SPTA1: variants seen among roughly 807,000 people sequenced by gnomAD.
SPTA1 encodes spectrin alpha, erythrocytic 1, also known as spectrin alpha chain, erythrocytic 1.
Under a neutral mutation model 324.7 loss-of-function variants are expected in SPTA1, and 177 were observed. The ratio of observed to expected loss-of-function variants is 0.55; its 90% CI spans 0.48 to 0.62. The LOEUF is 0.62. Ranked by LOEUF, SPTA1 falls within the 20% of genes least tolerant of loss-of-function variation. The probability of loss-of-function intolerance (pLI) is 0.00; values close to 1 mark genes in which losing one functional copy is unlikely to be tolerated. For synonymous variants in SPTA1, 1,195 were observed against 1,041.3 expected, an observed-to-expected ratio of 1.15 and a Z score of -2.84; for missense variants, 3,162 against 2,883.6, an observed-to-expected ratio of 1.10 and a Z score of -2.21.
chr1:158,668,094 A>AT, intron 14 of SPTA1, 32 bp from the exon 15 acceptor site: 1 of 1,566,814 alleles, frequency 6.4e-7, no homozygotes, highest in Non-Finnish European at 8.7e-7. Context: ...AAAAAAAACC[A>AT]TTACCTGAAG....
intron 17 of SPTA1, among the ~76,000 whole-genome samples, chr1:158,661,824 T>C (rs75176360): frequency 6.6e-6 from 1 of 152,230 alleles, no homozygotes; most frequent in Non-Finnish European, 1.5e-5. Context: ...TTTCTCATCA[T>C]GAAAAAGGCA....
Position 158,626,142 on chromosome 1 carries a change from T to C in SPTA1, c.5910+4A>G. 1 of 1,613,390 alleles carries C rather than the reference T, an allele frequency of 6.2e-7. No individual in the cohort carries two copies. Among genetic ancestry groups the C allele is most frequent in the Non-Finnish European group, 8.5e-7 (1 of 1,179,346 alleles). ...TGGGCTTACCTAACATCTATCAATC[T>C]CACCTGTTTTGCCAGAAGAGTGAGG... On this transcript the variant is annotated splice_donor_region_variant and intron_variant, in intron 42 of 51. Coordinates refer to ENST00000643759, the MANE Select transcript of SPTA1 (RefSeq NM_003126.4).
At chr1:158,636,123 ACC>A in intron 37 of SPTA1, 89 bp from the exon 38 acceptor site, 1 of 1,607,308 alleles carries the variant, frequency 6.2e-7, no homozygotes, top group Non-Finnish European at 8.5e-7. Flanking sequence ...AGCCCATCCT[ACC>A]CTCCAGATTA....
chr1:158,629,981 G>C (rs867514960), intron 39 of SPTA1, among the ~76,000 whole-genome samples: 1 of 151,736 alleles, frequency 6.6e-6, no homozygotes, highest in African/African-American at 2.4e-5. Context: ...ACAAAACATT[G>C]ATAAAAGAAA....
chr1:158,636,793 A>G, intron 36 of SPTA1, 32 bp from the exon 37 acceptor site: 1 of 1,613,276 alleles, frequency 6.2e-7, no homozygotes, highest in Non-Finnish European at 8.5e-7. Context: ...GAAAGTTTGG[A>G]GTCTAGACAT....
At chr1:158,621,329 A>T (rs1649899909) in intron 43 of SPTA1, among the ~76,000 whole-genome samples, 1 of 152,206 alleles carries the variant, frequency 6.6e-6, no homozygotes, top group Admixed American at 6.5e-5. Flanking sequence ...CAAATACAAG[A>T]ATTAAAAAGA....
In SPTA1 at chr1:158,677,706, G is replaced by A; in HGVS notation, c.941C>T (p.Ala314Val). ...GCGCATTACCTTGTCACTCATGACA[G>A]CAAGATTTCTCTCAAGTCCCTTGTG... Reference protein sequence around the residue: ...HSHKGLERNLAVMSDKVKELC... With the variant: ...HSHKGLERNLVVMSDKVKELC... The change falls in exon 7 of 52, where the codon GCT becomes GTT. Residue 314 changes from alanine (A) to valine (V), a missense_variant. Physicochemically the swap from Ala to Val is moderately conservative, Grantham distance 64. Transcript: ENST00000643759. 1.2e-6 allele frequency: 2 copies of A among 1,613,430 alleles called. No individual in the cohort carries two copies. Among genetic ancestry groups the A allele is most frequent in the Non-Finnish European group, 1.7e-6 (2 of 1,179,666 alleles).
At chr1:158,664,771 T>C (rs1653478034) in intron 16 of SPTA1, among the ~76,000 whole-genome samples, 1 of 152,184 alleles carries the variant, frequency 6.6e-6, no homozygotes, top group South Asian at 2.1e-4. Context: ...CAGAACATAA[T>C]GGAAGGATTT....
intron 21 of SPTA1, 97 bp from the exon 22 acceptor site, chr1:158,653,522 T>C: frequency 6.5e-7 from 1 of 1,538,990 alleles, no homozygotes; most frequent in Non-Finnish European, 8.9e-7. Flanking sequence ...AGGCACAGGT[T>C]AATGGCAAAG....
chr1:158,641,449 C>A (rs1180628032), intron 33 of SPTA1, among the ~76,000 whole-genome samples: 3 of 151,906 alleles, frequency 2.0e-5, no homozygotes, highest in Admixed American at 6.6e-5. Flanking sequence ...CAATGAACTC[C>A]AACACATTTA....
chr1:158,614,018 T>C, intron 49 of SPTA1, 151 bp from the exon 50 acceptor site: 2 of 958,166 alleles, frequency 2.1e-6, no homozygotes, highest in South Asian at 1.6e-5. Flanking sequence ...GTCTGTGTCA[T>C]GTACATTTTT....
intron 2 of SPTA1, 40 bp from the exon 3 acceptor site, chr1:158,683,536 AG>A (rs768255495): frequency 6.2e-7 from 1 of 1,610,948 alleles, no homozygotes; most frequent in East Asian, 2.2e-5. Context: ...AATGAAGCAC[AG>A]TCTTCATGGG....
At position 158,617,688 on chromosome 1, in the gene SPTA1, G is replaced by T. The variant is rs952153488; in HGVS notation, c.6549-100C>A. The T allele has an allele frequency of 3.1e-5, 38 of 1,216,316 alleles. No individual in the cohort carries two copies. The South Asian group carries it at 4.7e-4, about 15-fold the overall frequency. 75.3% of individuals were successfully genotyped at this position (1,216,316 alleles called of 1,614,324 possible). ...GCTCCTCTGTTTCAACTTCTCCAAG[G>T]TTATGTGGCTTACATGAAGCAAAAT... is the stretch of plus-strand genomic sequence containing the variant. On this transcript the variant is annotated intron_variant, in intron 46 of 51. Coordinates refer to ENST00000643759, the MANE Select transcript of SPTA1 (RefSeq NM_003126.4).
chr1:158,656,729 G>A lies in SPTA1; in HGVS notation c.2806-73C>T, dbSNP rs1571467695. The A allele has an allele frequency of 4.3e-6, 6 of 1,400,126 alleles. No individual in the cohort carries two copies. In the East Asian group the frequency reaches 1.1e-4, roughly 27 times the overall value. 86.7% of individuals were successfully genotyped at this position (1,400,126 alleles called of 1,614,324 possible). A position where few individuals can be genotyped will look rare whatever the true frequency, so the allele number is the denominator to read the frequency against. On this transcript the variant is annotated intron_variant, in intron 19 of 51. Transcript: ENST00000643759. ...TATTATTTCAACTACTATTATTTTG[G>A]GTTATGCTATTTGTCTTAAATCCTG... is the stretch of plus-strand genomic sequence containing the variant.
Position 158,620,370 on chromosome 1 carries a change from C to T in SPTA1, c.6217G>A (p.Val2073Ile). ...EENLSEPVHC[V>I]SLNEIRQLQK... ...AGCTGCCGAATTTCATTCAGGGAGA[C>T]ACAGTGCACAGGCTCTGACAAGTTT... Residue 2073 changes from valine (V) to isoleucine (I), a missense_variant, in exon 44 of 52, where the codon GTC becomes ATC. By Grantham distance (29) the Val-to-Ile change is conservative. Transcript: ENST00000643759. The T allele has an allele frequency of 1.4e-5, 23 of 1,614,076 alleles. No homozygotes were observed. The highest frequency in any genetic ancestry group is 1.9e-5 in the Non-Finnish European group (23 of 1,180,050).
chr1:158,650,037 GT>G, intron 24 of SPTA1, 90 bp from the exon 25 acceptor site: 1 of 890,034 alleles, frequency 1.1e-6, no homozygotes, highest in Non-Finnish European at 1.8e-6. Flanking sequence ...TTAAAACATA[GT>G]TGTTTTTACG....
intron 3 of SPTA1, 103 bp downstream of exon 3, chr1:158,683,268 T>C (rs2101951179): frequency 6.5e-7 from 1 of 1,549,202 alleles, no homozygotes. Flanking sequence ...GCAGGAGTCC[T>C]GGGTATAAGC....
At position 158,642,800 on chromosome 1, in the gene SPTA1, T is replaced by C. The variant is rs1651706221; in HGVS notation, c.4605+14A>G. ...GAATGGTGAAATTTTCCAAGATTCC[T>C]ATTTTGAACTTGCCTGAATGTTAGT... On this transcript the variant is annotated intron_variant, in intron 32 of 51. Coordinates refer to ENST00000643759, the MANE Select transcript of SPTA1 (RefSeq NM_003126.4). The C allele has an allele frequency of 6.2e-7, 1 of 1,613,668 alleles. No homozygotes were observed. The highest frequency in any genetic ancestry group is 8.5e-7 in the Non-Finnish European group (1 of 1,179,824).
At chr1:158,650,026 T>A (rs917754880) in intron 24 of SPTA1, 79 bp from the exon 25 acceptor site, 2 of 967,216 alleles carry the variant, frequency 2.1e-6, no homozygotes, top group African/African-American at 3.2e-5. Context: ...CCAGACAAGA[T>A]TTAAAACATA....
Sources: allele counts gnomAD v4.1 joint callset (sites outside exome capture counted in the v4.1 genomes callset), GRCh38; gene constraint gnomAD v4.1.1; transcripts MANE v1.5; gene names NCBI Gene and HGNC (gene_info 2026-07-23, HGNC 2026-07-21).